ARHGAP23: variants seen among roughly 807,000 people sequenced by gnomAD.
ARHGAP23 encodes the protein Rho GTPase activating protein 23.
Under a neutral mutation model 136.3 loss-of-function variants are expected in ARHGAP23, and 34 were observed. The observed-to-expected ratio is 0.25, with a 90% CI of 0.19 to 0.33. The LOEUF (loss-of-function observed/expected upper bound fraction) is 0.33, where lower values mean the gene tolerates loss of function less well. Among genes scored for constraint, ARHGAP23 ranks in the 10% least tolerant of loss-of-function variants. ARHGAP23 has a pLI of 1.00. For synonymous variants in ARHGAP23, 832 were observed against 920.5 expected (o/e 0.90, Z 1.74); for missense variants, 1,808 against 2,139.0 (o/e 0.85, Z 3.05).
intron 1 of ARHGAP23, among the ~76,000 whole-genome samples, chr17:38,454,788 G>A (rs1175695650): frequency 6.6e-6 from 1 of 152,202 alleles, no homozygotes; most frequent in East Asian, 1.9e-4. Context: ...GCTCCCGGGG[G>A]GAGGAGCAGG....
chr17:38,493,043 G>A (rs1302392353), intron 20 of ARHGAP23, among the ~76,000 whole-genome samples: 1 of 152,230 alleles, frequency 6.6e-6, no homozygotes, highest in African/African-American at 2.4e-5. Flanking sequence ...CTCTGGGCAG[G>A]GTGGAGAAGG....
intron 1 of ARHGAP23, among the ~76,000 whole-genome samples, chr17:38,438,134 A>C (rs900090178): frequency 6.6e-6 from 1 of 152,184 alleles, no homozygotes; most frequent in Non-Finnish European, 1.5e-5. Flanking sequence ...CGTCCTGGCC[A>C]ACATGGTGAA....
chr17:38,453,997 T>TGGCGCGTGG (rs2039261841), intron 1 of ARHGAP23: 1 of 146,302 alleles, frequency 6.8e-6, no homozygotes, highest in Admixed American at 6.8e-5. Context: ...CAGCGCCGTG[T>TGGCGCGTGG]GGCGCGTGGA....
At chr17:38,428,991 C>T (rs1000035807) in intron 1 of ARHGAP23, among the ~76,000 whole-genome samples, 54 of 152,146 alleles carry the variant, frequency 3.5e-4, no homozygotes, top group Admixed American at 7.2e-4. Context: ...GAGGGGGTTC[C>T]CGGAGCGGGA....
intron 17 of ARHGAP23, chr17:38,489,814 AG>A (rs1268785800): frequency 2.7e-6 from 1 of 368,582 alleles, no homozygotes; most frequent in Non-Finnish European, 5.0e-6. Context: ...AGACGGGGGC[AG>A]GGACCCCTTT....
intron 1 of ARHGAP23, among the ~76,000 whole-genome samples, chr17:38,446,284 C>A (rs1317627466): frequency 6.6e-6 from 1 of 150,734 alleles, no homozygotes; most frequent in Non-Finnish European, 1.5e-5. Context: ...CTCAGCCTCC[C>A]AAAGTGCTGG....
chr17:38,510,639 C>G lies in ARHGAP23; in HGVS notation c.4143C>G (p.Asp1381Glu). The G allele has an allele frequency of 7.3e-7, 1 of 1,361,132 alleles. No homozygotes were observed. Among genetic ancestry groups the G allele is most frequent in the Non-Finnish European group, 9.4e-7 (1 of 1,065,702 alleles). The allele number at this position is 1,361,132 out of a possible 1,614,324, so 84.3% of individuals were successfully genotyped here. ...GTCTAAGGCTCCGCGGCACGGCGGACGACATGCTCGCCGTGCGCCTGCGGC... is the reference window on the plus strand; with the variant it reads ...GTCTAAGGCTCCGCGGCACGGCGGAGGACATGCTCGCCGTGCGCCTGCGGC... ...ALRLRLRGTA[D>E]DMLAVRLRRP... The change falls in exon 24 of 24, where the codon GAC becomes GAG. Residue 1381 changes from aspartate (D) to glutamate (E), a missense_variant. Transcript: ENST00000622683. This position sits in a 1 kb window ranked among gnomAD's most constrained non-coding sequence, Gnocchi z 4.6.
upstream of ARHGAP23, chr17:38,428,401 C>T (rs946834816): frequency 4.9e-5 from 29 of 588,378 alleles, no homozygotes; most frequent in African/African-American, 4.9e-4. Flanking sequence ...ACACCGCGCT[C>T]GGCCCCGCCC....
intron 6 of ARHGAP23, among the ~76,000 whole-genome samples, chr17:38,465,318 CTG>C (rs35024067): frequency 0.14 from 21,208 of 151,592 alleles, 2,640 homozygotes; most frequent in African/African-American, 0.33. Flanking sequence ...TTGTGTTCTA[CTG>C]TGTGTGTGTG....
At position 38,477,863 on chromosome 17, in the gene ARHGAP23, A is replaced by G; in HGVS notation, c.2403A>G (p.Arg801=). The change falls in exon 12 of 24, where the codon AGA becomes AGG. Residue 801 remains arginine, a synonymous_variant. Coordinates refer to ENST00000622683, the MANE Select transcript of ARHGAP23 (RefSeq NM_001199417.2). This position sits in a 1 kb window ranked among gnomAD's most constrained non-coding sequence, Gnocchi z 6.6. ...EDRDDMLGWI[R]AIRENSRAEG... ...GGGATGACATGCTGGGCTGGATCAGAGCGATCCGGGAGAACAGCAGGGCCG... is the reference window on the plus strand; with the variant it reads ...GGGATGACATGCTGGGCTGGATCAGGGCGATCCGGGAGAACAGCAGGGCCG... 6.5e-7 allele frequency: 1 copy of G among 1,548,582 alleles called. No homozygotes were observed. Among genetic ancestry groups the G allele is most frequent in the Non-Finnish European group, 8.7e-7 (1 of 1,146,472 alleles).
At chr17:38,492,639 G>A (rs2040302882) in intron 20 of ARHGAP23, among the ~76,000 whole-genome samples, 1 of 152,210 alleles carries the variant, frequency 6.6e-6, no homozygotes, top group South Asian at 2.1e-4. Context: ...GTAAGGAGGC[G>A]AGGTGGTGAG....
intron 17 of ARHGAP23, among the ~76,000 whole-genome samples, chr17:38,487,399 CTG>C (rs1461552269): frequency 8.5e-5 from 13 of 152,328 alleles, no homozygotes; most frequent in African/African-American, 3.1e-4. Flanking sequence ...ACGCCTGGAT[CTG>C]TGCTCTCTAA....
intron 10 of ARHGAP23, 44 bp downstream of exon 10, chr17:38,469,948 G>C (rs1305051460): frequency 1.9e-6 from 3 of 1,546,476 alleles, no homozygotes; most frequent in Non-Finnish European, 2.6e-6. Context: ...GCGAGGGTGT[G>C]GGGAGAGAGG....
Position 38,482,049 on chromosome 17 carries a change from C to T in ARHGAP23, c.2657C>T (p.Pro886Leu), listed in dbSNP as rs1456169274. 6.5e-7 allele frequency: 1 copy of T among 1,549,286 alleles called. No homozygotes were observed. Among genetic ancestry groups the T allele is most frequent in the Non-Finnish European group, 8.7e-7 (1 of 1,146,120 alleles). The change falls in exon 15 of 24, where the codon CCC becomes CTC. Residue 886 changes from proline (P) to leucine (L), a missense_variant. Pro to Leu is a moderately conservative substitution (Grantham distance 98, BLOSUM62 -3). Coordinates refer to ENST00000622683, the MANE Select transcript of ARHGAP23 (RefSeq NM_001199417.2). ...GACAGTGCTGCAGCCCCCAAAACCC[C>T]CTGGGGCATCAACATCATCAAGAAA... Reference protein sequence around the residue: ...KDDSAAAPKTPWGINIIKKNK... With the variant: ...KDDSAAAPKTLWGINIIKKNK...
In ARHGAP23 at chr17:38,510,536, C is replaced by T; in HGVS notation, c.4040C>T (p.Ala1347Val). 8.5e-7 allele frequency: 1 copy of T among 1,173,696 alleles called. No homozygotes were observed. The highest frequency in any genetic ancestry group is 1.0e-6 in the Non-Finnish European group (1 of 953,718). 72.7% of individuals were successfully genotyped at this position (1,173,696 alleles called of 1,614,324 possible). A position where few individuals can be genotyped will look rare whatever the true frequency, so the allele number is the denominator to read the frequency against. The part of the protein sequence containing the change: ...GPRAPEPPGS[A>V]SSSSQESLRP... ...CGCGCCCCGGAGCCGCCCGGCTCGGCGTCGTCCAGCAGCCAGGAGTCGCTG... is the reference window on the plus strand; with the variant it reads ...CGCGCCCCGGAGCCGCCCGGCTCGGTGTCGTCCAGCAGCCAGGAGTCGCTG... Residue 1347 changes from alanine to valine, a missense_variant, in exon 24 of 24, where the codon GCG becomes GTG. Coordinates refer to ENST00000622683, the MANE Select transcript of ARHGAP23 (RefSeq NM_001199417.2). This position sits in a 1 kb window ranked among gnomAD's most constrained non-coding sequence, Gnocchi z 4.6.
intron 14 of ARHGAP23, among the ~76,000 whole-genome samples, chr17:38,481,772 A>G (rs1286558324): frequency 6.6e-6 from 1 of 152,168 alleles, no homozygotes. Flanking sequence ...ACAAAGTTCT[A>G]TGGCTTCCGC....
rs961810691 is a variant in ARHGAP23 at position 38,439,567 on chromosome 17, G to A, written c.63+11019G>A. ...ATTGGTTATAGCAAACTTGTATTGCGGGCCTCAGGGCCAGACACTGCTGTG... is the reference window on the plus strand; with the variant it reads ...ATTGGTTATAGCAAACTTGTATTGCAGGCCTCAGGGCCAGACACTGCTGTG... On this transcript the variant is annotated intron_variant, in intron 1 of 23. Coordinates refer to ENST00000622683, the MANE Select transcript of ARHGAP23 (RefSeq NM_001199417.2). Among the ~76,000 whole-genome samples, 3 of 152,280 alleles carry A rather than the reference G, an allele frequency of 2.0e-5. No homozygotes were observed. The East Asian group carries it at 5.8e-4, about 29-fold the overall frequency.
chr17:38,491,306 G>A, intron 19 of ARHGAP23, 101 bp from the exon 20 acceptor site: 2 of 1,472,296 alleles, frequency 1.4e-6, no homozygotes, highest in East Asian at 4.9e-5. Flanking sequence ...TCTAAGCTGG[G>A]GACTGGTGAG....
At chr17:38,442,401 C>T (rs1460239133) in intron 1 of ARHGAP23, among the ~76,000 whole-genome samples, 1 of 152,238 alleles carries the variant, frequency 6.6e-6, no homozygotes, top group Non-Finnish European at 1.5e-5. Flanking sequence ...TGAGGAAAGG[C>T]TCATTCATTC....
Sources: allele counts gnomAD v4.1 joint callset (sites outside exome capture counted in the v4.1 genomes callset), GRCh38; gene constraint gnomAD v4.1.1; non-coding constraint Gnocchi (gnomAD v3.1); transcripts MANE v1.5; gene names NCBI Gene and HGNC (gene_info 2026-07-23, HGNC 2026-07-21).